RCL1: variants seen among roughly 807,000 people sequenced by gnomAD.
The protein encoded by RCL1 is RNA terminal phosphate cyclase like 1.
RCL1 carries 24 observed loss-of-function variants against 42.4 expected under a neutral mutation model. The observed-to-expected ratio is 0.57, with a 90% CI of 0.41 to 0.80. The LOEUF is 0.80. RCL1 is among the 30% of genes least tolerant of loss of function. The pLI, the probability that RCL1 is intolerant of heterozygous loss-of-function variation, is 0.00. For synonymous variants in RCL1, 228 were observed against 177.3 expected, an observed-to-expected ratio of 1.29 and a Z score of -2.27; for missense variants, 578 against 467.9, an observed-to-expected ratio of 1.24 and a Z score of -2.17.
chr9:4,825,354 G>C (rs748206889), intron 2 of RCL1, among the ~76,000 whole-genome samples: 3 of 152,064 alleles, frequency 2.0e-5, no homozygotes, highest in Non-Finnish European at 2.9e-5. Context: ...ATAAACATAC[G>C]GATTTGAAGC....
intron 1 of RCL1, among the ~76,000 whole-genome samples, chr9:4,798,835 G>C (rs1413688908): frequency 6.7e-6 from 1 of 149,882 alleles, no homozygotes; most frequent in African/African-American, 2.5e-5. Context: ...GACAAAGTAT[G>C]CTTCCAAGTG....
chr9:4,812,019 T>A (rs1816196922), intron 1 of RCL1, among the ~76,000 whole-genome samples: 1 of 152,192 alleles, frequency 6.6e-6, no homozygotes, highest in African/African-American at 2.4e-5. Flanking sequence ...TATTCAGCTT[T>A]TTTGCTGACT....
chr9:4,826,073 GA>G (rs371653606), intron 2 of RCL1, among the ~76,000 whole-genome samples: 1 of 147,014 alleles, frequency 6.8e-6, no homozygotes, highest in Non-Finnish European at 1.5e-5. Flanking sequence ...CTAAAATAAA[GA>G]AAAAAAAGAA....
intron 1 of RCL1, among the ~76,000 whole-genome samples, chr9:4,803,179 A>G (rs770612282): frequency 1.4e-4 from 21 of 152,082 alleles, no homozygotes; most frequent in Non-Finnish European, 3.1e-4. Flanking sequence ...AGGCTTATTT[A>G]TCTTACTTAG....
In RCL1 at chr9:4,827,014, A is replaced by G. The variant is rs138474156; in HGVS notation, c.365A>G (p.Asn122Ser). ...AAAATAGTTCTACGAGGAGTGACCA[A>G]TGATCAGGTTGACCCTTCAGTGAGT... The part of the protein sequence containing the change: ...PLKIVLRGVT[N>S]DQVDPSVDVL... The change falls in exon 3 of 9, where the codon AAT becomes AGT. Residue 122 changes from asparagine (N) to serine (S), a missense_variant. Coordinates refer to ENST00000381750, the MANE Select transcript of RCL1 (RefSeq NM_005772.5). 1.4e-4 allele frequency: 227 copies of G among 1,614,074 alleles called. No individual in the cohort carries two copies. The highest frequency in any genetic ancestry group is 2.8e-4 in the African/African-American group (21 of 74,920).
chr9:4,830,704 T>C (rs1816914812), intron 3 of RCL1, among the ~76,000 whole-genome samples: 1 of 152,234 alleles, frequency 6.6e-6, no homozygotes, highest in African/African-American at 2.4e-5. Flanking sequence ...TGTATGTATG[T>C]GTATATCCAT....
At chr9:4,828,165 CAAAAAAAAAAAAAAAA>C (rs147771721) in intron 3 of RCL1, among the ~76,000 whole-genome samples, 1 of 50,752 alleles carries the variant, frequency 2.0e-5, no homozygotes, top group Non-Finnish European at 4.7e-5. Flanking sequence ...GACTCCGTCT[CAAAAAAAAAAAAAAAA>C]AAAAAAAAGT....
At chr9:4,859,684 A>C (rs2129763484) in intron 8 of RCL1, among the ~76,000 whole-genome samples, 1 of 152,284 alleles carries the variant, frequency 6.6e-6, no homozygotes, top group East Asian at 1.9e-4. Context: ...ATCATTGCCT[A>C]AGCCAGGTAC....
At chr9:4,827,339 T>A in intron 3 of RCL1, 1 of 1,118,068 alleles carries the variant, frequency 8.9e-7, no homozygotes, top group South Asian at 1.7e-5. Context: ...GCTGTATATG[T>A]GAGAGTGGAG....
chr9:4,814,388 A>G (rs148156986), intron 1 of RCL1, among the ~76,000 whole-genome samples: 181 of 152,122 alleles, frequency 1.2e-3, no homozygotes, highest in African/African-American at 3.9e-3. Context: ...GGCTCAAGCA[A>G]TCTTTCCGGC....
intron 3 of RCL1, chr9:4,827,291 C>G: frequency 7.9e-7 from 1 of 1,264,538 alleles, no homozygotes; most frequent in East Asian, 2.5e-5. Flanking sequence ...CAGATGCTCT[C>G]CGTCTCATCA....
In RCL1 at chr9:4,827,761, C is replaced by CGTGTGTGT. The variant is rs59604765; in HGVS notation, c.384+740_384+747dup. 5.0e-3 allele frequency among the ~76,000 whole-genome samples: 734 copies of CGTGTGTGT among 147,646 alleles called. 9 individuals carry two copies. The highest frequency in any genetic ancestry group is 0.036 in the East Asian group (179 of 5,006). On this transcript the variant is annotated intron_variant, in intron 3 of 8. Coordinates refer to ENST00000381750, the MANE Select transcript of RCL1 (RefSeq NM_005772.5). The stretch of plus-strand genomic sequence containing the variant: ...GTGTGTGTGTGTGTGTGTGTGCACG[C>CGTGTGTGT]GTGTGTGTGTGTGTGTGTGAGAGAG...
intron 1 of RCL1, among the ~76,000 whole-genome samples, chr9:4,798,860 C>T (rs1471477541): frequency 6.8e-6 from 1 of 146,970 alleles, no homozygotes; most frequent in Non-Finnish European, 1.5e-5. Flanking sequence ...TTTTTGGCTG[C>T]CCAAAATAAG....
intron 8 of RCL1, among the ~76,000 whole-genome samples, chr9:4,855,419 G>T (rs1817918944): frequency 1.3e-5 from 2 of 152,102 alleles, no homozygotes; most frequent in Admixed American, 6.6e-5. Context: ...TGAATCTCCA[G>T]TGTAGTGCTG....
chr9:4,840,030 G>A (rs979533318), intron 5 of RCL1, among the ~76,000 whole-genome samples: 2 of 151,946 alleles, frequency 1.3e-5, no homozygotes, highest in Non-Finnish European at 2.9e-5. Context: ...CAACTGAGCA[G>A]GCTGGGGGCT....
intron 1 of RCL1, among the ~76,000 whole-genome samples, chr9:4,822,340 G>A (rs771660173): frequency 3.3e-5 from 5 of 152,212 alleles, no homozygotes; most frequent in Non-Finnish European, 7.3e-5. Context: ...AGAAGAGTTA[G>A]TCTTTCTGTC....
At chr9:4,801,166 T>A (rs1842994188) in intron 1 of RCL1, among the ~76,000 whole-genome samples, 1 of 152,224 alleles carries the variant, frequency 6.6e-6, no homozygotes, top group Non-Finnish European at 1.5e-5. Context: ...ATTGTTTGTA[T>A]TAACTGTTTT....
chr9:4,820,969 A>AT (rs905081906), intron 1 of RCL1, among the ~76,000 whole-genome samples: 5 of 152,014 alleles, frequency 3.3e-5, no homozygotes, highest in African/African-American at 7.2e-5. Flanking sequence ...TTCTGTTCTA[A>AT]TTTTTTTTAA....
chr9:4,840,555 G>A (rs1490869967), intron 5 of RCL1, among the ~76,000 whole-genome samples: 5 of 152,126 alleles, frequency 3.3e-5, no homozygotes, highest in Non-Finnish European at 1.5e-5. Flanking sequence ...GTGCCCTATT[G>A]TAGGAGTGCT....
Sources: allele counts gnomAD v4.1 joint callset (sites outside exome capture counted in the v4.1 genomes callset), GRCh38; gene constraint gnomAD v4.1.1; transcripts MANE v1.5; gene names NCBI Gene and HGNC (gene_info 2026-07-23, HGNC 2026-07-21).